Variants in THSD7A observed in about 807,000 individuals in gnomAD.
THSD7A encodes thrombospondin type 1 domain containing 7A.
Under a neutral mutation model 231.3 loss-of-function variants are expected in THSD7A, and 96 were observed. That is an observed-to-expected ratio of 0.41 (90% CI 0.35 to 0.49). The LOEUF (loss-of-function observed/expected upper bound fraction) is 0.49, where lower values mean the gene tolerates loss of function less well. THSD7A is among the 20% of genes least tolerant of loss of function. The probability of loss-of-function intolerance (pLI) is 0.05; values close to 1 mark genes in which losing one functional copy is unlikely to be tolerated. For missense variants in THSD7A, 2,290 were observed against 2,070.2 expected, an observed-to-expected ratio of 1.11 and a Z score of -2.06; for synonymous variants, 940 against 743.3, an observed-to-expected ratio of 1.26 and a Z score of -4.30.
chr7:11,398,213 A>AG (rs1270553937), intron 23 of THSD7A, among the ~76,000 whole-genome samples: 2 of 152,074 alleles, frequency 1.3e-5, no homozygotes, highest in African/African-American at 4.8e-5. Flanking sequence ...GCCATAAAAA[A>AG]GGATGAGTTC....
Position 11,444,385 on chromosome 7 carries a change from G to A in THSD7A, c.3064+1676C>T, listed in dbSNP as rs987023892. On this transcript the variant is annotated intron_variant, in intron 13 of 27. Coordinates refer to ENST00000423059, the MANE Select transcript of THSD7A (RefSeq NM_015204.3). This position sits in a 1 kb window ranked among gnomAD's most constrained non-coding sequence, Gnocchi z 4.2. ...CTGTGGCACTGTTCACAATAGCAAA[G>A]ACTCGGAACCAACCCAAATGCTCAT... is the stretch of plus-strand genomic sequence containing the variant. Among the ~76,000 whole-genome samples, 3 of 152,030 alleles carry A rather than the reference G, an allele frequency of 2.0e-5. No homozygotes were observed. Among genetic ancestry groups the A allele is most frequent in the African/African-American group, 7.2e-5 (3 of 41,398 alleles).
intron 13 of THSD7A, among the ~76,000 whole-genome samples, chr7:11,441,224 G>C (rs1784794281): frequency 6.6e-6 from 1 of 151,922 alleles, no homozygotes; most frequent in Admixed American, 6.6e-5. Context: ...GGGAGATAAA[G>C]AATAAACAAG....
At chr7:11,563,944 G>T (rs997279520) in intron 4 of THSD7A, among the ~76,000 whole-genome samples, 1 of 152,056 alleles carries the variant, frequency 6.6e-6, no homozygotes, top group Non-Finnish European at 1.5e-5. Context: ...TTTAAAAAGT[G>T]TTTTTTCTTA....
intron 1 of THSD7A, among the ~76,000 whole-genome samples, chr7:11,813,343 C>A (rs1007657258): frequency 1.3e-5 from 2 of 152,106 alleles, no homozygotes; most frequent in African/African-American, 4.8e-5. Context: ...CTTCTAATTA[C>A]ATGTTTTTAA....
intron 4 of THSD7A, among the ~76,000 whole-genome samples, chr7:11,555,723 T>G (rs1430802636): frequency 6.6e-6 from 1 of 151,838 alleles, no homozygotes; most frequent in East Asian, 1.9e-4. Context: ...TTCAGTTCTA[T>G]CAGTTTTTGT....
In THSD7A at chr7:11,681,498, G is replaced by C. The variant is rs114980890; in HGVS notation, c.191-44537C>G. On this transcript the variant is annotated intron_variant, in intron 1 of 27. Transcript: ENST00000423059. ...CAATAATAAATTAAGCCAAGTAGAA[G>C]AAAGAATTTCAGAGCCTGAAGATCA... 3.2e-3 allele frequency among the ~76,000 whole-genome samples: 492 copies of C among 152,094 alleles called. 2 individuals are homozygous for C. Among genetic ancestry groups the C allele is most frequent in the African/African-American group, 0.011 (451 of 41,508 alleles).
intron 4 of THSD7A, among the ~76,000 whole-genome samples, chr7:11,577,749 A>C (rs946843729): frequency 2.6e-5 from 4 of 151,908 alleles, no homozygotes; most frequent in African/African-American, 9.7e-5. Flanking sequence ...TATAAGGGGC[A>C]GATGGAACAG....
At chr7:11,779,060 T>C (rs1783539588) in intron 1 of THSD7A, among the ~76,000 whole-genome samples, 1 of 152,144 alleles carries the variant, frequency 6.6e-6, no homozygotes, top group Non-Finnish European at 1.5e-5. Flanking sequence ...AAGTCTCTAA[T>C]GGGTTTGAAA....
chr7:11,523,450 G>T (rs932377921), intron 6 of THSD7A, among the ~76,000 whole-genome samples: 2 of 151,864 alleles, frequency 1.3e-5, no homozygotes, highest in African/African-American at 4.8e-5. Flanking sequence ...TGGAGGTGGG[G>T]GTACACCGAA....
chr7:11,401,162 T>C (rs560798358), intron 23 of THSD7A, among the ~76,000 whole-genome samples: 2 of 149,746 alleles, frequency 1.3e-5, no homozygotes, highest in South Asian at 4.1e-4. Context: ...TTTTATTTAA[T>C]TGTGTCATTT....
intron 6 of THSD7A, among the ~76,000 whole-genome samples, chr7:11,485,038 G>C (rs535265506): frequency 4.0e-5 from 6 of 151,586 alleles, no homozygotes; most frequent in Middle Eastern, 6.8e-3. Context: ...CTACAGGCAT[G>C]CACCACCATG....
Position 11,446,202 on chromosome 7 carries a change from G to C in THSD7A, c.2923C>G (p.Pro975Ala). 6.2e-7 allele frequency: 1 copy of C among 1,613,366 alleles called. No individual in the cohort carries two copies. The highest frequency in any genetic ancestry group is 8.5e-7 in the Non-Finnish European group (1 of 1,179,628). The change falls in exon 13 of 28, where the codon CCA (proline) becomes GCA (alanine). Residue 975 changes from proline to alanine, a missense_variant. Coordinates refer to ENST00000423059, the MANE Select transcript of THSD7A (RefSeq NM_015204.3). This position sits in a 1 kb window ranked among gnomAD's most constrained non-coding sequence, Gnocchi z 4.0. ...AGCAACACTTCCACTTTTCCCTCTG[G>C]TAAAATACAGTCTGACCAGTTCCCC... Reference protein sequence around the residue: ...PVGNWSDCILPEGKVEVLLGM... With the variant: ...PVGNWSDCILAEGKVEVLLGM...
chr7:11,783,333 G>A lies in THSD7A; in HGVS notation c.190+48424C>T, dbSNP rs79990533. Among the ~76,000 whole-genome samples, 11 of 152,252 alleles carry A rather than the reference G, an allele frequency of 7.2e-5. No individual in the cohort carries two copies. In the East Asian group the frequency reaches 1.9e-3, roughly 27 times the overall value. On this transcript the variant is annotated intron_variant, in intron 1 of 27. Transcript: ENST00000423059. ...GAAACCTATTCTATAATAAAGTGTT[G>A]CATATCTCATATAATTTACTGAAAG...
chr7:11,624,842 C>A (rs1342581756), intron 2 of THSD7A, among the ~76,000 whole-genome samples: 1 of 152,076 alleles, frequency 6.6e-6, no homozygotes, highest in African/African-American at 2.4e-5. Flanking sequence ...AGGGATAAGG[C>A]TTTATACAGA....
rs570804034 is a variant in THSD7A, at chr7:11,613,601, T to C, written c.1023-20099A>G. 3.2e-4 allele frequency among the ~76,000 whole-genome samples: 48 copies of C among 152,340 alleles called. No individual in the cohort carries two copies. In the South Asian group the frequency reaches 5.8e-3, roughly 18 times the overall value. ...TTCATGGAAAAAGTAGTCAGACTAG[T>C]AAGAATGAAGATTTGTATGGGCCCC... On this transcript the variant is annotated intron_variant, in intron 2 of 27. Coordinates refer to ENST00000423059, the MANE Select transcript of THSD7A (RefSeq NM_015204.3).
At position 11,634,377 on chromosome 7, in the gene THSD7A, G is replaced by A. The variant is rs116750236; in HGVS notation, c.1022+1753C>T. ...TTACACTTTTAATTGAGTAGTCAACGTTAAATTAAATGTCTACAGCATGCT... is the reference window on the plus strand; with the variant it reads ...TTACACTTTTAATTGAGTAGTCAACATTAAATTAAATGTCTACAGCATGCT... On this transcript the variant is annotated intron_variant, in intron 2 of 27. Transcript: ENST00000423059. This position sits in a 1 kb window ranked among gnomAD's most constrained non-coding sequence, Gnocchi z 4.1. Among the ~76,000 whole-genome samples, 6 of 152,096 alleles carry A rather than the reference G, an allele frequency of 3.9e-5. No individual in the cohort carries two copies. Among genetic ancestry groups the A allele is most frequent in the Non-Finnish European group, 7.4e-5 (5 of 68,022 alleles).
intron 11 of THSD7A, among the ~76,000 whole-genome samples, chr7:11,454,565 C>CT (rs200207068): frequency 0.095 from 13,630 of 142,868 alleles, 1,493 homozygotes; most frequent in African/African-American, 0.27. Context: ...GTGGTTATCT[C>CT]TTTTTTTTTT....
intron 6 of THSD7A, among the ~76,000 whole-genome samples, chr7:11,536,891 C>T (rs1273628455): frequency 6.6e-6 from 1 of 152,006 alleles, no homozygotes; most frequent in African/African-American, 2.4e-5. Flanking sequence ...TACCTCTGTC[C>T]CCCTTCACAC....
At chr7:11,424,113 C>A (rs1382092810) in intron 16 of THSD7A, among the ~76,000 whole-genome samples, 2 of 152,094 alleles carry the variant, frequency 1.3e-5, no homozygotes, top group East Asian at 1.9e-4. Flanking sequence ...TAGCTGCCAG[C>A]CACATGTGGC....
Sources: allele counts gnomAD v4.1 joint callset (sites outside exome capture counted in the v4.1 genomes callset), GRCh38; gene constraint gnomAD v4.1.1; non-coding constraint Gnocchi (gnomAD v3.1); transcripts MANE v1.5; gene names NCBI Gene and HGNC (gene_info 2026-07-23, HGNC 2026-07-21).